Variants in CAMTA1 observed in about 807,000 individuals in gnomAD.
CAMTA1 encodes the protein calmodulin-binding transcription activator 1.
A neutral mutation model predicts 170.9 loss-of-function variants in CAMTA1; 27 were observed. The observed-to-expected ratio is 0.16, with a 90% confidence interval of 0.12 to 0.22. CAMTA1 has a LOEUF of 0.22. Ranked by LOEUF, CAMTA1 falls within the 10% of genes least tolerant of loss-of-function variation. The pLI is 1.00. For missense variants in CAMTA1, 1,619 were observed against 2,217.2 expected, an observed-to-expected ratio of 0.73 and a Z score of 5.42; for synonymous variants, 833 against 891.5, an observed-to-expected ratio of 0.93 and a Z score of 1.17.
chr1:7,311,064 G>A (rs2149619285), intron 5 of CAMTA1, among the ~76,000 whole-genome samples: 1 of 152,246 alleles, frequency 6.6e-6, no homozygotes, highest in African/African-American at 2.4e-5. Context: ...TTAGTTTTCA[G>A]TTTGATTCTG....
At chr1:7,321,645 CTT>C (rs1294824566) in intron 5 of CAMTA1, among the ~76,000 whole-genome samples, 1 of 152,180 alleles carries the variant, frequency 6.6e-6, no homozygotes, top group African/African-American at 2.4e-5. Context: ...TTCAGCATCT[CTT>C]TTTGCATATT....
intron 6 of CAMTA1, among the ~76,000 whole-genome samples, chr1:7,577,145 C>G (rs139805321): frequency 3.9e-5 from 6 of 152,156 alleles, no homozygotes; most frequent in African/African-American, 9.7e-5. Context: ...GCATCGTCCT[C>G]CCCCGGAGGC....
At chr1:7,398,185 C>CATATA (rs2089532457) in intron 5 of CAMTA1, among the ~76,000 whole-genome samples, 2 of 46,544 alleles carry the variant, frequency 4.3e-5, no homozygotes, top group African/African-American at 1.7e-4. Flanking sequence ...CTCTCTCTCT[C>CATATA]TCTCTCTCTA....
intron 5 of CAMTA1, among the ~76,000 whole-genome samples, chr1:7,276,303 A>ATATATTTTTTTTTTTTT: frequency 8.3e-5 from 2 of 24,226 alleles, no homozygotes; most frequent in East Asian, 1.5e-3. Flanking sequence ...ATATATATAT[A>ATATATTTTTTTTTTTTT]TTTTTTTTTT....
At chr1:7,132,897 A>C (rs1645344407) in intron 4 of CAMTA1, among the ~76,000 whole-genome samples, 1 of 152,190 alleles carries the variant, frequency 6.6e-6, no homozygotes, top group Non-Finnish European at 1.5e-5. Flanking sequence ...GTTTGTTAAT[A>C]GGGTAAATTA....
At chr1:7,116,550 C>A (rs1644338494) in intron 4 of CAMTA1, among the ~76,000 whole-genome samples, 1 of 152,140 alleles carries the variant, frequency 6.6e-6, no homozygotes, top group South Asian at 2.1e-4. Flanking sequence ...CCATCCCCCC[C>A]AATATTTTAC....
chr1:7,347,193 G>A lies in CAMTA1; in HGVS notation c.438+97567G>A, dbSNP rs1014339524. Among the ~76,000 whole-genome samples, 6 of 152,176 alleles carry A rather than the reference G, an allele frequency of 3.9e-5. No homozygotes were observed. The East Asian group carries it at 5.8e-4, about 15-fold the overall frequency. On this transcript the variant is annotated intron_variant, in intron 5 of 22. Transcript: ENST00000303635. ...CGGCGGATGGTTCTCAGAAAGAATC[G>A]AGGCTTTGGGCACACATCACTGGCC...
intron 4 of CAMTA1, among the ~76,000 whole-genome samples, chr1:7,208,367 C>T (rs1658142530): frequency 6.6e-6 from 1 of 152,254 alleles, no homozygotes; most frequent in African/African-American, 2.4e-5. Context: ...AAAATGCACA[C>T]ACACACAAAG....
chr1:7,550,704 TCCTA>T, intron 6 of CAMTA1, among the ~76,000 whole-genome samples: 1 of 144,246 alleles, frequency 6.9e-6, no homozygotes, highest in African/African-American at 2.7e-5. Flanking sequence ...CACAGTCCTC[TCCTA>T]CCTGGCCCCT....
chr1:7,482,565 C>CAGAA lies in CAMTA1; in HGVS notation c.510+14665_510+14668dup, dbSNP rs2093555514. On this transcript the variant is annotated intron_variant, in intron 6 of 22. Coordinates refer to ENST00000303635, the MANE Select transcript of CAMTA1 (RefSeq NM_015215.4). The surrounding 1 kb of genome is among the most constrained non-coding windows in gnomAD (Gnocchi z 4.2). ...CAGTTTAAACTGGCCTTAGCTTGGGCAGAACTAAAGCATCAGAGAGCCTTT... is the reference window on the plus strand; with the variant it reads ...CAGTTTAAACTGGCCTTAGCTTGGGCAGAAAGAACTAAAGCATCAGAGAGCCTTT... Among the ~76,000 whole-genome samples, 1 of 152,154 alleles carries CAGAA rather than the reference C, an allele frequency of 6.6e-6. No homozygotes were observed. Among genetic ancestry groups the CAGAA allele is most frequent in the African/African-American group, 2.4e-5 (1 of 41,436 alleles).
intron 3 of CAMTA1, among the ~76,000 whole-genome samples, chr1:6,827,275 C>T (rs1364100368): frequency 2.0e-5 from 3 of 152,182 alleles, no homozygotes; most frequent in Non-Finnish European, 4.4e-5. Context: ...CAGGAGGTGG[C>T]ACAGCTGATG....
At chr1:6,824,060 T>C (rs1646833823) in intron 2 of CAMTA1, among the ~76,000 whole-genome samples, 1 of 152,212 alleles carries the variant, frequency 6.6e-6, no homozygotes, top group African/African-American at 2.4e-5. Flanking sequence ...TTCAGTGTTA[T>C]AAAACCTTAT....
At chr1:7,744,753 C>T in intron 16 of CAMTA1, 82 bp from the exon 17 acceptor site, 3 of 1,243,020 alleles carry the variant, frequency 2.4e-6, no homozygotes, top group Admixed American at 4.5e-5. Flanking sequence ...TTTTTTCTCT[C>T]CAAGGCGAGG....
At chr1:7,462,184 A>G (rs372814823) in intron 5 of CAMTA1, among the ~76,000 whole-genome samples, 2 of 151,802 alleles carry the variant, frequency 1.3e-5, no homozygotes, top group African/African-American at 4.8e-5. Context: ...CTGGAGTGCA[A>G]TGGTGTGATC....
chr1:7,210,862 TC>T (rs895188991), intron 4 of CAMTA1, among the ~76,000 whole-genome samples: 4 of 152,246 alleles, frequency 2.6e-5, no homozygotes, highest in Admixed American at 2.6e-4. Flanking sequence ...TATATATTTG[TC>T]CAGTGGTTTA....
At position 7,257,872 on chromosome 1, in the gene CAMTA1, T is replaced by C. The variant is rs138103844; in HGVS notation, c.438+8246T>C. On this transcript the variant is annotated intron_variant, in intron 5 of 22. Coordinates refer to ENST00000303635, the MANE Select transcript of CAMTA1 (RefSeq NM_015215.4). ...ACAGAGGTTTGTCTGTTTTGGATAT[T>C]GGTCCCATTGAAGACATGAGGAAGT... Among the ~76,000 whole-genome samples the C allele has an allele frequency of 3.0e-3, 451 of 152,326 alleles. 2 individuals are homozygous for C. Among genetic ancestry groups the C allele is most frequent in the Non-Finnish European group, 5.7e-3 (389 of 68,024 alleles).
chr1:7,702,180 C>T (rs1407244502), intron 11 of CAMTA1, among the ~76,000 whole-genome samples: 2 of 152,220 alleles, frequency 1.3e-5, no homozygotes, highest in East Asian at 1.9e-4. Flanking sequence ...CAGGGCTCAG[C>T]CAGTGCCTCC....
chr1:7,157,854 C>A (rs985825256), intron 4 of CAMTA1, among the ~76,000 whole-genome samples: 1 of 152,026 alleles, frequency 6.6e-6, no homozygotes, highest in African/African-American at 2.4e-5. Flanking sequence ...TGCTGCCCTG[C>A]AATAAAGAGA....
chr1:6,842,719 C>T (rs989490797), intron 3 of CAMTA1, among the ~76,000 whole-genome samples: 3 of 152,152 alleles, frequency 2.0e-5, no homozygotes, highest in East Asian at 1.9e-4. Flanking sequence ...GTCAGGAGTT[C>T]GAGACCAGCC....
Sources: allele counts gnomAD v4.1 joint callset (sites outside exome capture counted in the v4.1 genomes callset), GRCh38; gene constraint gnomAD v4.1.1; non-coding constraint Gnocchi (gnomAD v3.1); transcripts MANE v1.5; gene names NCBI Gene and HGNC (gene_info 2026-07-23, HGNC 2026-07-21).